KMT2C: variants seen among roughly 807,000 people sequenced by gnomAD.
The protein encoded by KMT2C is histone-lysine N-methyltransferase 2C.
In KMT2C, 88 loss-of-function variants were observed where a neutral mutation model predicts 507.9. The observed-to-expected ratio is 0.17, with a 90% CI of 0.15 to 0.21. The LOEUF (loss-of-function observed/expected upper bound fraction) is 0.21, where lower values mean the gene tolerates loss of function less well. KMT2C is among the 10% of genes least tolerant of loss of function. KMT2C has a pLI of 1.00. For missense variants in KMT2C, 4,954 were observed against 5,957.8 expected, an observed-to-expected ratio of 0.83 and a Z score of 5.55; for synonymous variants, 2,049 against 2,080.8, an observed-to-expected ratio of 0.98 and a Z score of 0.42.
intron 2 of KMT2C, among the ~76,000 whole-genome samples, chr7:152,355,903 G>GA (rs2097147389): frequency 6.6e-6 from 1 of 152,122 alleles, no homozygotes; most frequent in African/African-American, 2.4e-5. Context: ...TATTTGTGTT[G>GA]AAAGGGGGTG....
intron 6 of KMT2C, among the ~76,000 whole-genome samples, chr7:152,277,648 T>C (rs1377632385): frequency 1.3e-5 from 2 of 151,734 alleles, no homozygotes; most frequent in Admixed American, 6.6e-5. Flanking sequence ...CCCAGAAACT[T>C]TGAAATAACA....
Position 152,334,089 on chromosome 7 carries a change from C to A in KMT2C, c.251-3350G>T, listed in dbSNP as rs892158525. On this transcript the variant is annotated intron_variant, in intron 2 of 58. Coordinates refer to ENST00000262189, the MANE Select transcript of KMT2C (RefSeq NM_170606.3). ...AATAAATACAATTTGAATCCCCCCC[C>A]AAAAAAAAAGGTATTCAGATCAAGA... is the stretch of plus-strand genomic sequence containing the variant. 1.5e-4 allele frequency among the ~76,000 whole-genome samples: 23 copies of A among 150,498 alleles called. No individual in the cohort carries two copies. The South Asian group carries it at 1.7e-3, about 11-fold the overall frequency.
chr7:152,424,828 C>G (rs2097801464), intron 1 of KMT2C, among the ~76,000 whole-genome samples: 1 of 152,170 alleles, frequency 6.6e-6, no homozygotes, highest in Admixed American at 6.5e-5. Context: ...CTCCCTCTTT[C>G]CATATAGTCC....
intron 2 of KMT2C, among the ~76,000 whole-genome samples, chr7:152,333,868 C>T (rs1317025260): frequency 6.6e-6 from 1 of 151,948 alleles, no homozygotes; most frequent in African/African-American, 2.4e-5. Flanking sequence ...AATAGAAAAG[C>T]TGACCTTAAA....
chr7:152,272,972 T>C (rs2096005549), intron 7 of KMT2C, among the ~76,000 whole-genome samples: 1 of 152,038 alleles, frequency 6.6e-6, no homozygotes, highest in African/African-American at 2.4e-5. Flanking sequence ...GGTTTCATAA[T>C]GAGATTGGAA....
intron 31 of KMT2C, among the ~76,000 whole-genome samples, chr7:152,189,684 ACT>A (rs950292912): frequency 1.3e-5 from 2 of 152,084 alleles, no homozygotes; most frequent in African/African-American, 4.8e-5. Context: ...ACTTCCTAGA[ACT>A]CTCTGACTTT....
intron 6 of KMT2C, among the ~76,000 whole-genome samples, chr7:152,280,048 T>A (rs1443799973): frequency 6.6e-6 from 1 of 152,312 alleles, no homozygotes; most frequent in African/African-American, 2.4e-5. Flanking sequence ...TTTGAATTAA[T>A]CAAAAGGGAG....
intron 1 of KMT2C, among the ~76,000 whole-genome samples, chr7:152,360,070 G>C (rs531135283): frequency 7.1e-4 from 48 of 67,426 alleles, no homozygotes; most frequent in Non-Finnish European, 9.9e-4. Flanking sequence ...AAAAAAAGGG[G>C]GGTGGGGGGG....
intron 38 of KMT2C, among the ~76,000 whole-genome samples, 194 bp downstream of exon 38, chr7:152,175,997 C>T (rs146623275): frequency 6.1e-4 from 93 of 152,228 alleles, no homozygotes; most frequent in African/African-American, 1.9e-3. Context: ...GAGCCGAGAT[C>T]GCGCCACTGC....
In KMT2C at chr7:152,180,700, A is replaced by G. The variant is rs1208925156; in HGVS notation, c.7149+11T>C. 1.3e-6 allele frequency: 2 copies of G among 1,577,930 alleles called. No homozygotes were observed. The highest frequency in any genetic ancestry group is 4.5e-5 in the East Asian group (2 of 44,638). On this transcript the variant is annotated intron_variant, in intron 36 of 58. Transcript: ENST00000262189. The stretch of plus-strand genomic sequence containing the variant: ...AATACATTTAAAACTGAGAACATAC[A>G]ATGTGTTTACCTGTCTCAATTTCTC...
intron 1 of KMT2C, among the ~76,000 whole-genome samples, chr7:152,408,842 A>G (rs1052631909): frequency 2.3e-4 from 35 of 152,108 alleles, no homozygotes; most frequent in African/African-American, 8.4e-4. Context: ...AAATGTAGCC[A>G]ATGTCCCTTG....
chr7:152,160,990 G>A (rs917525310), intron 43 of KMT2C, among the ~76,000 whole-genome samples: 10 of 152,106 alleles, frequency 6.6e-5, no homozygotes, highest in East Asian at 3.8e-4. Context: ...TTGTCCAGAC[G>A]TATATAAGAA....
chr7:152,185,183 T>C (rs184349300), intron 34 of KMT2C, among the ~76,000 whole-genome samples: 77 of 152,178 alleles, frequency 5.1e-4, no homozygotes, highest in African/African-American at 1.8e-3. Context: ...AAGTTCAGTA[T>C]AGATGTTTTT....
intron 6 of KMT2C, among the ~76,000 whole-genome samples, chr7:152,299,239 A>G (rs1428601544): frequency 6.6e-6 from 1 of 151,730 alleles, no homozygotes; most frequent in African/African-American, 2.4e-5. Flanking sequence ...AATCGCTTGA[A>G]CCCAGGAGGC....
intron 31 of KMT2C, among the ~76,000 whole-genome samples, chr7:152,191,554 ATTC>A (rs2093794424): frequency 1.3e-5 from 2 of 152,322 alleles, no homozygotes; most frequent in African/African-American, 4.8e-5. Context: ...CATTAGTACA[ATTC>A]TTCTCGTCCC....
intron 2 of KMT2C, among the ~76,000 whole-genome samples, chr7:152,356,577 C>T (rs1563971647): frequency 6.8e-6 from 1 of 146,560 alleles, no homozygotes; most frequent in African/African-American, 2.5e-5. Flanking sequence ...AACTCTGTCT[C>T]AAAAAAACAA....
intron 1 of KMT2C, among the ~76,000 whole-genome samples, chr7:152,378,998 G>A (rs1211079454): frequency 3.3e-5 from 5 of 151,674 alleles, no homozygotes; most frequent in Non-Finnish European, 5.9e-5. Context: ...AACTTCCCCC[G>A]CACTTCATTT....
chr7:152,409,230 C>T (rs78905978), intron 1 of KMT2C, among the ~76,000 whole-genome samples: 9 of 150,654 alleles, frequency 6.0e-5, no homozygotes, highest in South Asian at 2.1e-4. Context: ...TGGTCTTGAA[C>T]GCCTTACCTC....
Position 152,176,332 on chromosome 7 carries a change from T to C in KMT2C, c.9121A>G (p.Asn3041Asp), listed in dbSNP as rs2129112849. The C allele has an allele frequency of 6.2e-7, 1 of 1,614,088 alleles. No homozygotes were observed. Among genetic ancestry groups the C allele is most frequent in the Non-Finnish European group, 8.5e-7 (1 of 1,180,006 alleles). The change falls in exon 38 of 59, where the codon AAT (asparagine) becomes GAT (aspartate). Residue 3041 changes from asparagine to aspartate, a missense_variant. Around this residue, in one of 29 missense-constraint regions of KMT2C, gnomAD observed 1,689 missense variants for 1,654.3 expected, o/e 1.02. Coordinates refer to ENST00000262189, the MANE Select transcript of KMT2C (RefSeq NM_170606.3). ...LMIPQTLAQQ[N>D]RERPLLLEEQ... ...TCTAGAAGAAGGGGCCTCTCTCTAT[T>C]CTGCTGTGCTAATGTTTGAGGAATC...
Sources: gnomAD v4.1 joint callset for allele counts (sites outside exome capture counted in the v4.1 genomes callset) on GRCh38, gnomAD v4.1.1 for gene constraint, gnomAD v4.1.1 regional missense constraint, MANE v1.5 for transcripts, NCBI Gene and HGNC (gene_info 2026-07-23, HGNC 2026-07-21) for gene names.